Variants in UPF1 observed in about 807,000 individuals in gnomAD.
UPF1 encodes the protein regulator of nonsense transcripts 1.
UPF1 carries 9 observed loss-of-function variants against 129.2 expected under a neutral mutation model. The observed-to-expected ratio is 0.07, with a 90% CI of 0.04 to 0.12. The LOEUF (loss-of-function observed/expected upper bound fraction) is 0.12, where lower values mean the gene tolerates loss of function less well. UPF1 is among the 10% of genes least tolerant of loss of function. UPF1 has a pLI of 1.00. For missense variants in UPF1, 788 were observed against 1,525.3 expected, an observed-to-expected ratio of 0.52 and a Z score of 8.05; for synonymous variants, 649 against 644.9, an observed-to-expected ratio of 1.01 and a Z score of -0.10.
intron 6 of UPF1, 110 bp from the exon 7 acceptor site, chr19:18,852,877 C>T (rs1568276842): frequency 4.5e-6 from 4 of 888,848 alleles, no homozygotes; most frequent in Non-Finnish European, 7.1e-6. Flanking sequence ...CGCCTGCTCT[C>T]ACGGCAGAGG....
intron 3 of UPF1, chr19:18,849,730 T>TAAAAAA: frequency 1.5e-5 from 4 of 275,832 alleles, no homozygotes; most frequent in South Asian, 6.9e-5. Flanking sequence ...GCTGGGGCCT[T>TAAAAAA]GTGGGAAATG....
intron 1 of UPF1, 114 bp from the exon 2 acceptor site, chr19:18,845,866 G>C: frequency 7.0e-7 from 1 of 1,424,018 alleles, no homozygotes. Flanking sequence ...AAGGGAAACT[G>C]TCTCAAAGCA....
In UPF1 at chr19:18,866,300, C is replaced by T. The variant is rs1295233535; in HGVS notation, c.*3+134C>T. 5 of 1,343,190 alleles carry T rather than the reference C, an allele frequency of 3.7e-6. No individual in the cohort carries two copies. In the African/African-American group the frequency reaches 5.9e-5, roughly 16 times the overall value. 83.2% of individuals were successfully genotyped at this position (1,343,190 alleles called of 1,614,324 possible). On this transcript the variant is annotated intron_variant, in intron 23 of 23. Coordinates refer to ENST00000262803, the MANE Select transcript of UPF1 (RefSeq NM_002911.4). ...CTGTGCCTGGTGGGGGTCATAGGCC[C>T]TCAGGGCCAGCTTGGCCTGTGCCCT... is the stretch of plus-strand genomic sequence containing the variant.
rs1028908264 is a variant in UPF1, at chr19:18,851,312, G to A, written c.810+444G>A. The stretch of plus-strand genomic sequence containing the variant: ...GAGGGTGCCGGGTCAAGTAGTGGGT[G>A]CCTGGCCCTCCTTCCACAGACAGCC... On this transcript the variant is annotated intron_variant, in intron 5 of 23. Coordinates refer to ENST00000262803, the MANE Select transcript of UPF1 (RefSeq NM_002911.4). The surrounding 1 kb of genome is among the most constrained non-coding windows in gnomAD (Gnocchi z 4.2). 2.0e-5 allele frequency among the ~76,000 whole-genome samples: 3 copies of A among 152,174 alleles called. No homozygotes were observed. Among genetic ancestry groups the A allele is most frequent in the Non-Finnish European group, 4.4e-5 (3 of 68,044 alleles).
chr19:18,850,534 G>T lies in UPF1; in HGVS notation c.630-154G>T, dbSNP rs535037128. On this transcript the variant is annotated intron_variant, in intron 4 of 23. Coordinates refer to ENST00000262803, the MANE Select transcript of UPF1 (RefSeq NM_002911.4). This position sits in a 1 kb window ranked among gnomAD's most constrained non-coding sequence, Gnocchi z 7.1. ...TCAGAGCTCAAGTGCACAGGGAGAT[G>T]CGATTTATTACTAACAGTTTGAAGG... Among the ~76,000 whole-genome samples, 1 of 152,368 alleles carries T rather than the reference G, an allele frequency of 6.6e-6. No homozygotes were observed. Among genetic ancestry groups the T allele is most frequent in the African/African-American group, 2.4e-5 (1 of 41,596 alleles).
intron 17 of UPF1, 149 bp downstream of exon 17, chr19:18,861,131 C>A: frequency 2.0e-6 from 2 of 1,011,600 alleles, no homozygotes; most frequent in Non-Finnish European, 2.8e-6. Context: ...CTGGGGAGGG[C>A]ACAGACAGCA....
intron 1 of UPF1, among the ~76,000 whole-genome samples, chr19:18,842,136 C>A (rs1327372414): frequency 1.3e-5 from 2 of 152,062 alleles, no homozygotes; most frequent in African/African-American, 4.8e-5. Context: ...ACCGCTGTGT[C>A]GGGTGGTGGG....
intron 15 of UPF1, 127 bp downstream of exon 15, chr19:18,857,660 A>T (rs928849602): frequency 1.8e-6 from 2 of 1,132,260 alleles, no homozygotes; most frequent in Admixed American, 5.9e-5. Flanking sequence ...GCTTGAGGTC[A>T]GGGCACTTTG....
intron 11 of UPF1, chr19:18,855,672 C>T (rs564418527): frequency 7.3e-6 from 4 of 549,008 alleles, no homozygotes; most frequent in South Asian, 4.4e-5. Flanking sequence ...CAGGGTGAGA[C>T]GTCTCTACAA....
intron 19 of UPF1, 115 bp downstream of exon 19, chr19:18,863,727 G>A: frequency 7.2e-7 from 1 of 1,386,132 alleles, no homozygotes; most frequent in Non-Finnish European, 9.6e-7. Context: ...CTCTCCTAGG[G>A]GAGGGTGGGC....
intron 1 of UPF1, among the ~76,000 whole-genome samples, chr19:18,836,587 C>A (rs11670952): frequency 6.6e-6 from 1 of 151,838 alleles, no homozygotes. Context: ...GGGTAATGGA[C>A]GTTTTTATTA....
chr19:18,859,387 C>T, intron 15 of UPF1: 1 of 152,328 alleles, frequency 6.6e-6, no homozygotes, highest in Non-Finnish European at 1.5e-5. Flanking sequence ...ACTAAGTGAG[C>T]ATATTTGGAT....
In UPF1 at chr19:18,864,091, C is replaced by G. The variant is rs1260086366; in HGVS notation, c.2776-79C>G. On this transcript the variant is annotated intron_variant, in intron 19 of 23. Transcript: ENST00000262803. Reference sequence around the variant, plus strand: ...ACACCTCACAGCTGCATACCTGCCACCTCCCAGGCCACCGGGCCCGTGGGA... The same window carrying G: ...ACACCTCACAGCTGCATACCTGCCAGCTCCCAGGCCACCGGGCCCGTGGGA... 15 of 1,315,438 alleles carry G rather than the reference C, an allele frequency of 1.1e-5. No homozygotes were observed. The Middle Eastern group carries it at 1.5e-3, about 128-fold the overall frequency. The allele number at this position is 1,315,438 out of a possible 1,614,324, so 81.5% of individuals were successfully genotyped here. A position where few individuals can be genotyped will look rare whatever the true frequency, so the allele number is the denominator to read the frequency against.
rs375690310 is a variant in UPF1, at chr19:18,865,345, G to A, written c.2914G>A (p.Gly972Ser). The change falls in exon 21 of 24, where the codon GGC (glycine) becomes AGC (serine). Residue 972 changes from glycine (G) to serine (S), a missense_variant. Coordinates refer to ENST00000262803, the MANE Select transcript of UPF1 (RefSeq NM_002911.4). The surrounding 1 kb of genome is among the most constrained non-coding windows in gnomAD (Gnocchi z 6.1). ...TGACCAGATTGGCATGATCAGTGCCGGCCCTAGCCACGTGGCTGCCATGAA... is the reference window on the plus strand; with the variant it reads ...TGACCAGATTGGCATGATCAGTGCCAGCCCTAGCCACGTGGCTGCCATGAA... ...THDQIGMISA[G>S]PSHVAAMNIP... 13 of 1,613,862 alleles carry A rather than the reference G, an allele frequency of 8.1e-6. No individual in the cohort carries two copies. Among genetic ancestry groups the A allele is most frequent in the African/African-American group, 6.7e-5 (5 of 74,948 alleles).
At chr19:18,844,304 G>GC (rs1251266476) in intron 1 of UPF1, among the ~76,000 whole-genome samples, 3 of 149,344 alleles carry the variant, frequency 2.0e-5, no homozygotes, top group East Asian at 2.0e-4. Flanking sequence ...GGGGCCGGGG[G>GC]GGGGTTTGGG....
intron 1 of UPF1, among the ~76,000 whole-genome samples, chr19:18,845,422 G>A (rs980603614): frequency 2.6e-5 from 4 of 152,190 alleles, no homozygotes; most frequent in African/African-American, 9.7e-5. Context: ...TAGAAGAGGC[G>A]CCTTCAGTGA....
At position 18,850,341 on chromosome 19, in the gene UPF1, A is replaced by G. The variant is rs2055644897; in HGVS notation, c.629+99A>G. The G allele has an allele frequency of 2.1e-6, 3 of 1,454,556 alleles. No homozygotes were observed. Among genetic ancestry groups the G allele is most frequent in the Admixed American group, 4.9e-5 (2 of 40,840 alleles). 90.1% of individuals were successfully genotyped at this position (1,454,556 alleles called of 1,614,324 possible). A position where few individuals can be genotyped will look rare whatever the true frequency, so the allele number is the denominator to read the frequency against. On this transcript the variant is annotated intron_variant, in intron 4 of 23. Transcript: ENST00000262803. This position sits in a 1 kb window ranked among gnomAD's most constrained non-coding sequence, Gnocchi z 7.1. ...CCAGCCCAGCCGTGGCTCTAACTCC[A>G]GGGAGTTGTCCTCCAAAGATGGTTT...
rs975348589 is a variant in UPF1 at position 18,865,329 on chromosome 19, T to C, written c.2898T>C (p.Ile966=). 2.5e-6 allele frequency: 4 copies of C among 1,613,296 alleles called. No homozygotes were observed. The highest frequency in any genetic ancestry group is 3.4e-6 in the Non-Finnish European group (4 of 1,179,556). Residue 966 remains isoleucine (I), a synonymous_variant, in exon 21 of 24, where the codon ATT becomes ATC. Coordinates refer to ENST00000262803, the MANE Select transcript of UPF1 (RefSeq NM_002911.4). This position sits in a 1 kb window ranked among gnomAD's most constrained non-coding sequence, Gnocchi z 6.1. The part of the protein sequence containing the change: ...SSMYFQTHDQ[I]GMISAGPSHV... ...TGTACTTCCAGACCCATGACCAGAT[T>C]GGCATGATCAGTGCCGGCCCTAGCC...
At chr19:18,848,971 CTG>C (rs2055629054) in intron 3 of UPF1, 1 of 152,248 alleles carries the variant, frequency 6.6e-6, no homozygotes, top group Non-Finnish European at 1.5e-5. Flanking sequence ...AAAAGGGCCT[CTG>C]AGAAACAACA....
Sources: allele counts gnomAD v4.1 joint callset (sites outside exome capture counted in the v4.1 genomes callset), GRCh38; gene constraint gnomAD v4.1.1; non-coding constraint Gnocchi (gnomAD v3.1); transcripts MANE v1.5; gene names NCBI Gene and HGNC (gene_info 2026-07-23, HGNC 2026-07-21).